The following NEDD4L variants were observed in gnomAD, a reference collection of about 807,000 sequenced individuals.
NEDD4L encodes E3 ubiquitin-protein ligase NEDD4-like.
Under a neutral mutation model 148.9 loss-of-function variants are expected in NEDD4L, and 54 were observed. The ratio of observed to expected loss-of-function variants is 0.36; its 90% CI spans 0.29 to 0.45. The LOEUF (loss-of-function observed/expected upper bound fraction) is 0.45. Among genes scored for constraint, NEDD4L ranks in the 20% least tolerant of loss-of-function variants. The pLI is 1.00. For missense variants in NEDD4L, 856 were observed against 1,233.8 expected (o/e 0.69, Z 4.59); for synonymous variants, 433 against 440.7 (o/e 0.98, Z 0.22).
At chr18:58,088,461 G>A (rs1322016700) in intron 1 of NEDD4L, among the ~76,000 whole-genome samples, 1 of 152,172 alleles carries the variant, frequency 6.6e-6, no homozygotes, top group African/African-American at 2.4e-5. Context: ...TCCATCCAGT[G>A]TCTTATTCTT....
chr18:58,118,790 G>A (rs2086028536), intron 1 of NEDD4L, among the ~76,000 whole-genome samples: 1 of 152,300 alleles, frequency 6.6e-6, no homozygotes, highest in Middle Eastern at 3.4e-3. Context: ...CCACTCTCCA[G>A]TGAAGGCCCC....
At chr18:58,220,931 C>T (rs2043690143) in intron 2 of NEDD4L, among the ~76,000 whole-genome samples, 1 of 152,150 alleles carries the variant, frequency 6.6e-6, no homozygotes, top group South Asian at 2.1e-4. Context: ...CTGCTGGCAC[C>T]TTCAAGGCCC....
intron 1 of NEDD4L, among the ~76,000 whole-genome samples, chr18:58,158,533 C>T (rs1286233930): frequency 6.6e-6 from 1 of 152,134 alleles, no homozygotes; most frequent in Non-Finnish European, 1.5e-5. Flanking sequence ...ATTTGTTAAC[C>T]CTTTTTCTAC....
chr18:58,086,262 TGTTG>T (rs2083753007), intron 1 of NEDD4L, among the ~76,000 whole-genome samples: 2 of 152,178 alleles, frequency 1.3e-5, no homozygotes, highest in Non-Finnish European at 2.9e-5. Flanking sequence ...ATGTCCTACC[TGTTG>T]TGTCAGAAGG....
intron 5 of NEDD4L, among the ~76,000 whole-genome samples, chr18:58,299,156 A>G (rs78352800): frequency 8.4e-4 from 128 of 152,340 alleles, no homozygotes; most frequent in African/African-American, 2.9e-3. Flanking sequence ...TCTCACTTGA[A>G]TTTCAAGAGA....
chr18:58,269,737 A>G (rs2050753756), intron 5 of NEDD4L, among the ~76,000 whole-genome samples: 1 of 152,014 alleles, frequency 6.6e-6, no homozygotes, highest in African/African-American at 2.4e-5. Flanking sequence ...GGTTTCCTTG[A>G]TAACCTTTGG....
chr18:58,302,429 T>C (rs2056600180), intron 5 of NEDD4L, among the ~76,000 whole-genome samples: 1 of 152,208 alleles, frequency 6.6e-6, no homozygotes, highest in Admixed American at 6.5e-5. Flanking sequence ...GTTCATATAC[T>C]TTGTCCTCAC....
intron 1 of NEDD4L, among the ~76,000 whole-genome samples, chr18:58,152,745 G>A (rs1344975686): frequency 2.0e-5 from 3 of 152,120 alleles, no homozygotes; most frequent in East Asian, 3.9e-4. Context: ...CTGGTAGTCG[G>A]GAGTCCGTAC....
intron 2 of NEDD4L, among the ~76,000 whole-genome samples, chr18:58,189,167 AG>A (rs2039811877): frequency 6.6e-6 from 1 of 152,114 alleles, no homozygotes; most frequent in African/African-American, 2.4e-5. Context: ...GACTTTATAA[AG>A]CCCACGTCAG....
intron 5 of NEDD4L, among the ~76,000 whole-genome samples, chr18:58,307,850 T>C (rs570633493): frequency 6.9e-6 from 1 of 145,940 alleles, no homozygotes; most frequent in East Asian, 2.0e-4. Context: ...TGTCTGTCAT[T>C]CAATATTTCA....
intron 9 of NEDD4L, among the ~76,000 whole-genome samples, chr18:58,326,712 A>G (rs12606138): frequency 0.19 from 28,921 of 152,158 alleles, 2,904 homozygotes; most frequent in African/African-American, 0.2. Context: ...CTCACAAAGG[A>G]AAAAATCCTG....
chr18:58,374,538 T>G (rs955487250), intron 24 of NEDD4L, among the ~76,000 whole-genome samples: 2 of 151,896 alleles, frequency 1.3e-5, no homozygotes, highest in Non-Finnish European at 2.9e-5. Context: ...GACACTGTTC[T>G]CCTGCACGGG....
chr18:58,246,711 C>T (rs993938699), intron 3 of NEDD4L, among the ~76,000 whole-genome samples: 3 of 152,112 alleles, frequency 2.0e-5, no homozygotes, highest in Non-Finnish European at 4.4e-5. Context: ...GTGATCCACC[C>T]GCCTTAGCCT....
intron 2 of NEDD4L, among the ~76,000 whole-genome samples, chr18:58,173,619 A>G (rs78086938): frequency 0.01 from 1,535 of 152,250 alleles, 27 homozygotes; most frequent in African/African-American, 0.035. Context: ...AGTTGTTAGC[A>G]TTTTGCTGTA....
At chr18:58,287,774 T>C (rs547843479) in intron 5 of NEDD4L, among the ~76,000 whole-genome samples, 6 of 152,334 alleles carry the variant, frequency 3.9e-5, no homozygotes, top group African/African-American at 1.4e-4. Flanking sequence ...GTCATTGTCC[T>C]TTTGTGAGTT....
At chr18:58,222,428 T>C (rs1254801608) in intron 2 of NEDD4L, among the ~76,000 whole-genome samples, 1 of 152,258 alleles carries the variant, frequency 6.6e-6, no homozygotes, top group African/African-American at 2.4e-5. Context: ...ATATTTTTTG[T>C]TTGAGAAAAC....
At chr18:58,342,794 A>G in intron 15 of NEDD4L, 112 bp from the exon 16 acceptor site, 1 of 759,552 alleles carries the variant, frequency 1.3e-6, no homozygotes, top group Non-Finnish European at 1.9e-6. Flanking sequence ...GGTTTTGGGG[A>G]TCTTCCCTCT....
At chr18:58,186,040 C>T (rs567783789) in intron 2 of NEDD4L, among the ~76,000 whole-genome samples, 15 of 152,044 alleles carry the variant, frequency 9.9e-5, no homozygotes, top group Middle Eastern at 3.4e-3. Context: ...GAGAAGGATA[C>T]GTATGCACAC....
Position 58,077,160 on chromosome 18 carries a change from CTTTTTTTTTTTTTTT to C in NEDD4L, c.48+32469_48+32483del, listed in dbSNP as rs60248050. On this transcript the variant is annotated intron_variant, in intron 1 of 30. Transcript: ENST00000400345. ...GCCACCATACCCAGCCTCATAACGG[CTTTTTTTTTTTTTTT>C]TTTTTTTTTTTTTTTTGAGACAGGG... 4.5e-4 allele frequency among the ~76,000 whole-genome samples: 22 copies of C among 48,922 alleles called. No individual in the cohort carries two copies. The South Asian group carries it at 5.5e-3, about 12-fold the overall frequency. The allele number at this position is 48,922 out of a possible 152,430, so 32.1% of individuals were successfully genotyped here.
Sources: allele counts gnomAD v4.1 joint callset (sites outside exome capture counted in the v4.1 genomes callset), GRCh38; gene constraint gnomAD v4.1.1; transcripts MANE v1.5; gene names NCBI Gene and HGNC (gene_info 2026-07-23, HGNC 2026-07-21).